The following KIRREL2 variants were observed in gnomAD, a reference collection of about 807,000 sequenced individuals.
The protein encoded by KIRREL2 is kirre like nephrin family adhesion molecule 2.
In KIRREL2, 56 loss-of-function variants were observed where a neutral mutation model predicts 73.4. The observed-to-expected ratio is 0.76, with a 90% CI of 0.62 to 0.95. The LOEUF is 0.95. Among genes scored for constraint, KIRREL2 ranks in the 40% least tolerant of loss-of-function variants. KIRREL2 has a pLI of 0.00. For synonymous variants in KIRREL2, 407 were observed against 404.0 expected, an observed-to-expected ratio of 1.01 and a Z score of -0.09; for missense variants, 896 against 935.0, an observed-to-expected ratio of 0.96 and a Z score of 0.54.
chr19:35,851,850 T>C, upstream of KIRREL2: 1 of 1,550,044 alleles, frequency 6.5e-7, no homozygotes. Context: ...CAGGTCCCCC[T>C]ACTGTGACCC....
chr19:35,857,532 G>T (rs1311754134), intron 2 of KIRREL2, 38 bp downstream of exon 2: 1 of 1,503,950 alleles, frequency 6.6e-7, no homozygotes, highest in Non-Finnish European at 8.9e-7. Context: ...GGGCTGGCTA[G>T]GGGGAGAGTT....
At position 35,857,017 on chromosome 19, in the gene KIRREL2, C is replaced by T; in HGVS notation, c.-103C>T. On this transcript the variant is annotated 5_prime_UTR_variant, in exon 1 of 15. Coordinates refer to ENST00000360202, the MANE Select transcript of KIRREL2 (RefSeq NM_199180.4). ...AGACTAGGCTGGGCGAAGAGTCGAG[C>T]GTGAAGGGGGCTCCGGGCCAGGGTG... 8.5e-7 allele frequency: 1 copy of T among 1,175,994 alleles called. No homozygotes were observed. Among genetic ancestry groups the T allele is most frequent in the Non-Finnish European group, 1.3e-6 (1 of 785,288 alleles). 72.8% of individuals were successfully genotyped at this position (1,175,994 alleles called of 1,614,324 possible).
At chr19:35,851,977 C>G, upstream of KIRREL2, 1 of 727,560 alleles carries the variant, frequency 1.4e-6, no homozygotes, top group Non-Finnish European at 2.4e-6. Context: ...CTCCCTTTCT[C>G]GTTTTCCTCT....
intron 13 of KIRREL2, 148 bp downstream of exon 13, chr19:35,863,184 G>A: frequency 3.4e-6 from 2 of 592,770 alleles, no homozygotes; most frequent in Non-Finnish European, 6.1e-6. Flanking sequence ...GGAGACACAA[G>A]GATCACTTAA....
intron 13 of KIRREL2, among the ~76,000 whole-genome samples, chr19:35,863,704 G>A (rs807660): frequency 0.048 from 7,343 of 151,900 alleles, 221 homozygotes; most frequent in African/African-American, 0.089. Flanking sequence ...CACCCGCCTC[G>A]ACCTCCCAAA....
At chr19:35,851,952 C>T (rs1973277831), upstream of KIRREL2, 2 of 827,566 alleles carry the variant, frequency 2.4e-6, no homozygotes, top group South Asian at 2.9e-5. Flanking sequence ...TTTTTTATCT[C>T]TTTCCGTTAC....
chr19:35,859,591 GC>G lies in KIRREL2; in HGVS notation c.636del (p.Thr213GlnfsTer9). 2.5e-6 allele frequency: 4 copies of G among 1,614,076 alleles called. No individual in the cohort carries two copies. Among genetic ancestry groups the G allele is most frequent in the Non-Finnish European group, 3.4e-6 (4 of 1,180,032 alleles). ...FVCRARSQALPTGRDTAITLS... is the reference protein window; with the variant it reads ...FVCRARSQALXTGRDTAITLS... The stretch of plus-strand genomic sequence containing the variant: ...TCTGCCGGGCCCGGAGCCAGGCCCT[GC>G]CCACAGGAAGAGACACAGCTATCAC... On this transcript the variant is annotated frameshift_variant, in exon 5 of 15. Coordinates refer to ENST00000360202, the MANE Select transcript of KIRREL2 (RefSeq NM_199180.4). LOFTEE classifies it high-confidence loss of function.
chr19:35,863,026 G>C lies in KIRREL2; in HGVS notation c.1715G>C (p.Arg572Pro). The C allele has an allele frequency of 6.4e-7, 1 of 1,572,852 alleles. No homozygotes were observed. The change falls in exon 13 of 15, where the codon CGC becomes CCC. Residue 572 changes from arginine (R) to proline (P), a missense_variant. Coordinates refer to ENST00000360202, the MANE Select transcript of KIRREL2 (RefSeq NM_199180.4). ...RGPEEEETGS[R>P]EDRGPIVHTD... Reference sequence around the variant, plus strand: ...CCTGAAGAAGAGGAGACAGGCAGCCGCGAGGACCGGGTAGGATGCCAGGGT... The same window carrying C: ...CCTGAAGAAGAGGAGACAGGCAGCCCCGAGGACCGGGTAGGATGCCAGGGT...
chr19:35,860,851 C>A lies in KIRREL2; in HGVS notation c.929-58C>A, dbSNP rs966796059. The A allele has an allele frequency of 6.2e-6, 10 of 1,610,224 alleles. No homozygotes were observed. The Admixed American group carries it at 1.5e-4, about 25-fold the overall frequency. On this transcript the variant is annotated intron_variant, in intron 7 of 14. Transcript: ENST00000360202. ...TGGTGTTTCTGTGGGGCTGGCTGATCCCAGGTCAGTGGCTGCATTCCGCCC... is the reference window on the plus strand; with the variant it reads ...TGGTGTTTCTGTGGGGCTGGCTGATACCAGGTCAGTGGCTGCATTCCGCCC...
At chr19:35,859,442 A>T in intron 4 of KIRREL2, 39 bp from the exon 5 acceptor site, 1 of 1,597,722 alleles carries the variant, frequency 6.3e-7, no homozygotes, top group South Asian at 1.1e-5. Context: ...GACACCCCTG[A>T]TGGGTAGATG....
chr19:35,862,400 C>A, intron 11 of KIRREL2, 93 bp from the exon 12 acceptor site: 1 of 969,130 alleles, frequency 1.0e-6, no homozygotes, highest in Non-Finnish European at 1.6e-6. Context: ...AATGTGCGAC[C>A]TTTTGAACCC....
At chr19:35,863,240 C>A (rs761333777) in intron 13 of KIRREL2, among the ~76,000 whole-genome samples, 1 of 152,054 alleles carries the variant, frequency 6.6e-6, no homozygotes, top group Admixed American at 6.5e-5. Context: ...AGGACCCCAT[C>A]TCTACAAAAA....
In KIRREL2 at chr19:35,861,246, CT is replaced by C. The variant is rs1973664998; in HGVS notation, c.1182del (p.Val395Ter). 1.3e-6 allele frequency: 2 copies of C among 1,530,164 alleles called. No individual in the cohort carries two copies. The highest frequency in any genetic ancestry group is 4.5e-5 in the East Asian group (2 of 44,306). 94.8% of individuals were successfully genotyped at this position (1,530,164 alleles called of 1,614,324 possible). On this transcript the variant is annotated frameshift_variant, in exon 9 of 15. Transcript: ENST00000360202. LOFTEE classifies it high-confidence loss of function. Reference sequence around the variant, plus strand: ...GGCGGCGCCGCGGAGGCTCGGCTGACTGTGAACGGTGAGAAGGCGGGGCTTC... The same window carrying C: ...GGCGGCGCCGCGGAGGCTCGGCTGACGTGAACGGTGAGAAGGCGGGGCTTC... ...LRGGAAEARLTVNAPPVVTAL... is the reference protein window; with the variant it reads ...LRGGAAEARLXVNAPPVVTAL...
At chr19:35,860,730 G>T in intron 7 of KIRREL2, 63 bp downstream of exon 7, 1 of 1,594,186 alleles carries the variant, frequency 6.3e-7, no homozygotes, top group South Asian at 1.1e-5. Context: ...GCTGTTGAGG[G>T]TCGGGGCCTG....
At chr19:35,854,755 C>T (rs907833458), upstream of KIRREL2, among the ~76,000 whole-genome samples, 1 of 137,542 alleles carries the variant, frequency 7.3e-6, no homozygotes, top group Non-Finnish European at 1.6e-5. Context: ...GTTTCTCTGT[C>T]TCTGTTCTCA....
At chr19:35,855,656 T>TACACACACACACAC (rs57458964), upstream of KIRREL2, among the ~76,000 whole-genome samples, 23 of 84,922 alleles carry the variant, frequency 2.7e-4, no homozygotes, top group Non-Finnish European at 4.3e-4. Context: ...CACCTCCCCA[T>TACACACACACACAC]ACACACACAC....
intron 14 of KIRREL2, 46 bp downstream of exon 14, chr19:35,864,759 G>A (rs114074585): frequency 0.011 from 15,716 of 1,421,526 alleles, 119 homozygotes; most frequent in African/African-American, 0.016. Flanking sequence ...TGGGAGAGGC[G>A]GGGCTCCCTT....
upstream of KIRREL2, among the ~76,000 whole-genome samples, chr19:35,853,622 G>C (rs890941878): frequency 4.6e-5 from 7 of 152,136 alleles, no homozygotes; most frequent in Admixed American, 4.6e-4. Flanking sequence ...TCCTGCCTCA[G>C]CCTCCTGAAT....
chr19:35,856,937 G>T lies in KIRREL2; in HGVS notation c.-183G>T. 1.4e-6 allele frequency: 1 copy of T among 702,968 alleles called. No homozygotes were observed. The allele number at this position is 702,968 out of a possible 1,614,324, so 43.5% of individuals were successfully genotyped here. A position where few individuals can be genotyped will look rare whatever the true frequency, so the allele number is the denominator to read the frequency against. On this transcript the variant is annotated 5_prime_UTR_variant, in exon 1 of 15. Transcript: ENST00000360202. The surrounding 1 kb of genome is among the most constrained non-coding windows in gnomAD (Gnocchi z 5.9). ...GAGACCCAGGCCGCGGAACTGGCAG[G>T]CGTTTCAGAGCGTCAGAGGCTGCGG...
Sources: gnomAD v4.1 joint callset for allele counts (sites outside exome capture counted in the v4.1 genomes callset) on GRCh38, gnomAD v4.1.1 for gene constraint, Gnocchi (gnomAD v3.1) non-coding constraint, MANE v1.5 for transcripts, NCBI Gene and HGNC (gene_info 2026-07-23, HGNC 2026-07-21) for gene names.